YBX2: variants seen among roughly 807,000 people sequenced by gnomAD.
The protein encoded by YBX2 is Y-box binding protein 2.
A neutral mutation model predicts 44.4 loss-of-function variants in YBX2; 5 were observed. That is an observed-to-expected ratio of 0.11 (90% CI 0.06 to 0.24). The LOEUF is 0.24. Among genes scored for constraint, YBX2 ranks in the 10% least tolerant of loss-of-function variants. YBX2 has a pLI of 1.00. For synonymous variants in YBX2, 188 were observed against 216.1 expected (o/e 0.87, Z 1.14); for missense variants, 417 against 526.9 (o/e 0.79, Z 2.04).
At chr17:7,290,969 G>C in intron 4 of YBX2, 124 bp downstream of exon 4, 2 of 950,130 alleles carry the variant, frequency 2.1e-6, no homozygotes, top group Middle Eastern at 3.2e-4. Context: ...CAGGGTGAGA[G>C]AACACAGTCC....
In YBX2 at chr17:7,289,971, C is replaced by T. The variant is rs779812260; in HGVS notation, c.845G>A (p.Arg282Gln). ...VPPPRFRPRY[R>Q]RPFRPRPRQQ... ...AGCCCCAGCAGGGGGGTCTTACCTTCGGTACCTGGGCCGGAATCTGGGCGG... is the reference window on the plus strand; with the variant it reads ...AGCCCCAGCAGGGGGGTCTTACCTTTGGTACCTGGGCCGGAATCTGGGCGG... The change falls in exon 6 of 9, where the codon CGA becomes CAA. Residue 282 changes from arginine (R) to glutamine (Q), a missense_variant. Arg to Gln is a conservative substitution (Grantham distance 43, BLOSUM62 1). Around this residue, in one of 3 missense-constraint regions of YBX2, gnomAD observed 257 missense variants for 261.7 expected, o/e 0.98. Transcript: ENST00000007699. The T allele has an allele frequency of 1.2e-5, 20 of 1,614,204 alleles. No individual in the cohort carries two copies. Among genetic ancestry groups the T allele is most frequent in the East Asian group, 2.2e-5 (1 of 44,880 alleles).
chr17:7,293,375 A>T, intron 2 of YBX2, 100 bp downstream of exon 2: 1 of 1,581,500 alleles, frequency 6.3e-7, no homozygotes, highest in Non-Finnish European at 8.6e-7. Flanking sequence ...CATTGCAACC[A>T]TGTGCCTCCG....
rs565574929 is a variant in YBX2, at chr17:7,293,053, G to A, written c.335+422C>T. 9.8e-5 allele frequency: 24 copies of A among 244,232 alleles called. No individual in the cohort carries two copies. The South Asian group carries it at 1.1e-3, about 11-fold the overall frequency. The allele number at this position is 244,232 out of a possible 1,614,324, so 15.1% of individuals were successfully genotyped here. A position where few individuals can be genotyped will look rare whatever the true frequency, so the allele number is the denominator to read the frequency against. On this transcript the variant is annotated intron_variant, in intron 2 of 8. Coordinates refer to ENST00000007699, the MANE Select transcript of YBX2 (RefSeq NM_015982.4). ...CTCAGTCCCAACAGGTGGAGGGCTC[G>A]AATGAGCCACAGCTCTTTAAGGGAG...
chr17:7,290,061 C>T lies in YBX2; in HGVS notation c.755G>A (p.Arg252Lys). ...NQQQPIEGTD[R>K]VEPKETAPLE... Reference sequence around the variant, plus strand: ...TGGGGCTGTCTCTTTGGGTTCTACCCTGTCAGTGCCCTGGGAACATGCAAA... The same window carrying T: ...TGGGGCTGTCTCTTTGGGTTCTACCTTGTCAGTGCCCTGGGAACATGCAAA... The change falls in exon 6 of 9, where the codon AGG becomes AAG. Residue 252 changes from arginine to lysine, a missense_variant. By Grantham distance (26) the Arg-to-Lys change is conservative. Around this residue, in one of 3 missense-constraint regions of YBX2, gnomAD observed 257 missense variants for 261.7 expected, o/e 0.98. Coordinates refer to ENST00000007699, the MANE Select transcript of YBX2 (RefSeq NM_015982.4). 1 of 1,614,266 alleles carries T rather than the reference C, an allele frequency of 6.2e-7. No homozygotes were observed. Among genetic ancestry groups the T allele is most frequent in the Non-Finnish European group, 8.5e-7 (1 of 1,180,042 alleles).
In YBX2 at chr17:7,288,531, T is replaced by G. The variant is rs2072471675; in HGVS notation, c.*152A>C. The G allele has an allele frequency of 6.2e-6, 3 of 482,010 alleles. No individual in the cohort carries two copies. The Admixed American group carries it at 1.0e-4, about 17-fold the overall frequency. 29.9% of individuals were successfully genotyped at this position (482,010 alleles called of 1,614,324 possible). On this transcript the variant is annotated 3_prime_UTR_variant, in exon 9 of 9. Transcript: ENST00000007699. ...AAGCAAAAGGCTGCTGCTTTGGTCC[T>G]CCTGAGTCTCAAGGAAAAGGTGAAA...
chr17:7,292,886 G>A (rs561087289), intron 2 of YBX2: 133 of 162,354 alleles, frequency 8.2e-4, no homozygotes, highest in African/African-American at 2.9e-3. Context: ...CAGGATGCCT[G>A]GGCTGGGGAA....
Position 7,294,426 on chromosome 17 carries a change from C to G in YBX2, c.75G>C (p.Val25=), listed in dbSNP as rs1177487180. Residue 25 remains valine (V), a synonymous_variant, in exon 1 of 9, where the codon GTG becomes GTC. Coordinates refer to ENST00000007699, the MANE Select transcript of YBX2 (RefSeq NM_015982.4). The surrounding 1 kb of genome is among the most constrained non-coding windows in gnomAD (Gnocchi z 4.6). Reference sequence around the variant, plus strand: ...CGGGCACCGGTACCACCACCGCTACCACCCCTGCCGCCGTCGCGGGCACCG... The same window carrying G: ...CGGGCACCGGTACCACCACCGCTACGACCCCTGCCGCCGTCGCGGGCACCG... The part of the protein sequence containing the change: ...AATVPATAAG[V]VAVVVPVPAG... 2.0e-6 allele frequency: 3 copies of G among 1,467,190 alleles called. No individual in the cohort carries two copies. Among genetic ancestry groups the G allele is most frequent in the East Asian group, 6.1e-5 (2 of 33,000 alleles). 90.9% of individuals were successfully genotyped at this position (1,467,190 alleles called of 1,614,324 possible).
chr17:7,293,175 G>A (rs1002238716), intron 2 of YBX2: 4 of 483,240 alleles, frequency 8.3e-6, no homozygotes, highest in African/African-American at 2.0e-5. Flanking sequence ...TGCCCCAAAG[G>A]CATGTCAGAG....
rs762297354 is a variant in YBX2 at position 7,290,225 on chromosome 17, G to A, written c.744+26C>T. 59 of 1,606,670 alleles carry A rather than the reference G, an allele frequency of 3.7e-5. 1 individual carries two copies. In the South Asian group the frequency reaches 6.0e-4, roughly 16 times the overall value. ...CTCCTCTCCTGAACTTGGGGAACTGGCTCCCATATTCCAGCATCCCCTCAC... is the reference window on the plus strand; with the variant it reads ...CTCCTCTCCTGAACTTGGGGAACTGACTCCCATATTCCAGCATCCCCTCAC... On this transcript the variant is annotated intron_variant, in intron 5 of 8. Transcript: ENST00000007699.
In YBX2 at chr17:7,291,594, A is replaced by G; in HGVS notation, c.370-412T>C. 2.6e-6 allele frequency: 1 copy of G among 384,320 alleles called. No homozygotes were observed. Among genetic ancestry groups the G allele is most frequent in the Admixed American group, 3.7e-5 (1 of 26,802 alleles). The allele number at this position is 384,320 out of a possible 1,614,324, so 23.8% of individuals were successfully genotyped here. ...TTCTCAAGCTGTAGCGTGCATCAGA[A>G]TCACCTGGAGAGCTCGTTAAACCGA... On this transcript the variant is annotated intron_variant, in intron 3 of 8. Transcript: ENST00000007699. The surrounding 1 kb of genome is among the most constrained non-coding windows in gnomAD (Gnocchi z 5.8).
chr17:7,290,550 A>T lies in YBX2; in HGVS notation c.460-15T>A. The T allele has an allele frequency of 6.2e-7, 1 of 1,610,398 alleles. No homozygotes were observed. On this transcript the variant is annotated splice_polypyrimidine_tract_variant and intron_variant, in intron 4 of 8. Transcript: ENST00000007699. Reference sequence around the variant, plus strand: ...GCTTCTGCGCCCTGGGAAGGTGGTAAGGGAATAGTGAGAACCTGCTCCAAC... The same window carrying T: ...GCTTCTGCGCCCTGGGAAGGTGGTATGGGAATAGTGAGAACCTGCTCCAAC...
rs1161436538 is a variant in YBX2, at chr17:7,294,334, C to T, written c.167G>A (p.Gly56Glu). The change falls in exon 1 of 9, where the codon GGG becomes GAG. Residue 56 changes from glycine to glutamate, a missense_variant. Coordinates refer to ENST00000007699, the MANE Select transcript of YBX2 (RefSeq NM_015982.4). The surrounding 1 kb of genome is among the most constrained non-coding windows in gnomAD (Gnocchi z 4.6). ...GGGAASGPAAGTPSAPGSRTP... is the reference protein window; with the variant it reads ...GGGAASGPAAETPSAPGSRTP... The stretch of plus-strand genomic sequence containing the variant: ...GCGGGAGCCCGGCGCCGAGGGGGTC[C>T]CAGCAGCGGGGCCCGAGGCGGCTCC... 185 of 1,310,378 alleles carry T rather than the reference C, an allele frequency of 1.4e-4. 1 individual carries two copies. Among genetic ancestry groups the T allele is most frequent in the Non-Finnish European group, 1.7e-4 (181 of 1,036,442 alleles). 81.2% of individuals were successfully genotyped at this position (1,310,378 alleles called of 1,614,324 possible).
At position 7,291,182 on chromosome 17, in the gene YBX2, T is replaced by C; in HGVS notation, c.370A>G (p.Thr124Ala). The part of the protein sequence containing the change: ...DTKEDVFVHQ[T>A]AIKRNNPRKF... ...CTGGGGTTGTTTCTTTTAATAGCTGTCTGATTGGGGAAAAGGCCATGTGAA... is the reference window on the plus strand; with the variant it reads ...CTGGGGTTGTTTCTTTTAATAGCTGCCTGATTGGGGAAAAGGCCATGTGAA... Residue 124 changes from threonine (T) to alanine (A), a missense_variant and splice_region_variant, in exon 4 of 9, where the codon ACA becomes GCA. This residue lies in a region of YBX2 where 39 missense variants were observed against 123.8 expected (regional missense o/e 0.32). Coordinates refer to ENST00000007699, the MANE Select transcript of YBX2 (RefSeq NM_015982.4). The surrounding 1 kb of genome is among the most constrained non-coding windows in gnomAD (Gnocchi z 5.8). 2 of 1,614,090 alleles carry C rather than the reference T, an allele frequency of 1.2e-6. No homozygotes were observed. Among genetic ancestry groups the C allele is most frequent in the South Asian group, 1.1e-5 (1 of 91,078 alleles).
Position 7,291,803 on chromosome 17 carries a change from G to A in YBX2, c.369+223C>T, listed in dbSNP as rs1373578507. ...TCCTGGAGTGTTAACAGGTCCCGGT[G>A]GGTAGTAAGCGTGCCATGCCCAGGG... On this transcript the variant is annotated intron_variant, in intron 3 of 8. Transcript: ENST00000007699. This position sits in a 1 kb window ranked among gnomAD's most constrained non-coding sequence, Gnocchi z 5.8. 5 of 594,318 alleles carry A rather than the reference G, an allele frequency of 8.4e-6. No homozygotes were observed. Among genetic ancestry groups the A allele is most frequent in the African/African-American group, 5.6e-5 (3 of 53,904 alleles). 36.8% of individuals were successfully genotyped at this position (594,318 alleles called of 1,614,324 possible).
chr17:7,291,700 C>G lies in YBX2; in HGVS notation c.369+326G>C. 2.4e-6 allele frequency: 1 copy of G among 423,912 alleles called. No homozygotes were observed. Among genetic ancestry groups the G allele is most frequent in the Non-Finnish European group, 4.4e-6 (1 of 227,186 alleles). The allele number at this position is 423,912 out of a possible 1,614,324, so 26.3% of individuals were successfully genotyped here. On this transcript the variant is annotated intron_variant, in intron 3 of 8. Coordinates refer to ENST00000007699, the MANE Select transcript of YBX2 (RefSeq NM_015982.4). The surrounding 1 kb of genome is among the most constrained non-coding windows in gnomAD (Gnocchi z 5.8). ...AGAATTCGGATGTCAGGTGATGCTGCTGCCGCTGGTGCAGGGGCCACGCTT... is the reference window on the plus strand; with the variant it reads ...AGAATTCGGATGTCAGGTGATGCTGGTGCCGCTGGTGCAGGGGCCACGCTT...
Position 7,289,525 on chromosome 17 carries a change from C to G in YBX2, c.1044+5G>C, listed in dbSNP as rs1370376005. 1 of 1,596,178 alleles carries G rather than the reference C, an allele frequency of 6.3e-7. No homozygotes were observed. Among genetic ancestry groups the G allele is most frequent in the Non-Finnish European group, 8.5e-7 (1 of 1,171,234 alleles). ...TTTCTTTCATCCCACATCTGAGGTCCTCACCTCAGGGGCTGCGGGCTGCCG... is the reference window on the plus strand; with the variant it reads ...TTTCTTTCATCCCACATCTGAGGTCGTCACCTCAGGGGCTGCGGGCTGCCG... On this transcript the variant is annotated splice_donor_5th_base_variant and intron_variant, in intron 7 of 8. Transcript: ENST00000007699.
chr17:7,292,711 GAA>G (rs1397053509), intron 2 of YBX2: 1 of 154,032 alleles, frequency 6.5e-6, no homozygotes, highest in Non-Finnish European at 1.4e-5. Context: ...GGGGAGAAAG[GAA>G]AAGTTTTCCT....
intron 2 of YBX2, 182 bp from the exon 3 acceptor site, chr17:7,292,241 AAG>A (rs1192928428): frequency 1.4e-6 from 1 of 705,194 alleles, no homozygotes; most frequent in African/African-American, 1.8e-5. Context: ...AGCTGGTGTA[AAG>A]AGAGATACAC....
Position 7,294,341 on chromosome 17 carries a change from C to T in YBX2, c.160G>A (p.Ala54Thr). Reference protein sequence around the residue: ...GGGGGAASGPAAGTPSAPGSR... With the variant: ...GGGGGAASGPTAGTPSAPGSR... ...CCCGGCGCCGAGGGGGTCCCAGCAG[C>T]GGGGCCCGAGGCGGCTCCGCCCCCG... The change falls in exon 1 of 9, where the codon GCT becomes ACT. Residue 54 changes from alanine to threonine, a missense_variant. This residue lies in a region of YBX2 where 121 missense variants were observed against 141.3 expected (regional missense o/e 0.86). Transcript: ENST00000007699. The surrounding 1 kb of genome is among the most constrained non-coding windows in gnomAD (Gnocchi z 4.6). 1 of 1,325,230 alleles carries T rather than the reference C, an allele frequency of 7.5e-7. No homozygotes were observed. 82.1% of individuals were successfully genotyped at this position (1,325,230 alleles called of 1,614,324 possible).
Sources: gnomAD v4.1 joint callset for allele counts on GRCh38, gnomAD v4.1.1 for gene constraint, gnomAD v4.1.1 regional missense constraint, Gnocchi (gnomAD v3.1) non-coding constraint, MANE v1.5 for transcripts, NCBI Gene and HGNC (gene_info 2026-07-23, HGNC 2026-07-21) for gene names.